The following TM2D1 variants were observed in gnomAD, a reference collection of about 807,000 sequenced individuals.
TM2D1 encodes the protein TM2 domain containing 1.
TM2D1 carries 15 observed loss-of-function variants against 28.4 expected under a neutral mutation model. The ratio of observed to expected loss-of-function variants is 0.53; its 90% CI spans 0.35 to 0.81. TM2D1 has a LOEUF of 0.81. TM2D1 is among the 40% of genes least tolerant of loss of function. The probability of loss-of-function intolerance (pLI) is 0.01; values close to 1 mark genes in which losing one functional copy is unlikely to be tolerated. For missense variants in TM2D1, 236 were observed against 254.9 expected (o/e 0.93, Z 0.50); for synonymous variants, 93 against 96.2 (o/e 0.97, Z 0.20).
At chr1:61,724,874 C>T (rs575944323) in intron 1 of TM2D1, 83 bp downstream of exon 1, 8 of 1,411,798 alleles carry the variant, frequency 5.7e-6, no homozygotes, top group South Asian at 2.8e-5. Context: ...CAGTACAGCC[C>T]TAGCCAGTCC....
intron 5 of TM2D1, among the ~76,000 whole-genome samples, chr1:61,691,932 A>AAAATATATATATATATAT: frequency 3.7e-4 from 28 of 76,388 alleles, no homozygotes; most frequent in Non-Finnish European, 5.2e-4. Flanking sequence ...AAAAAAAAAA[A>AAAATATATATATATATAT]ATATATATAT....
At chr1:61,699,677 C>T (rs919612269) in intron 4 of TM2D1, 12 of 152,424 alleles carry the variant, frequency 7.9e-5, no homozygotes, top group African/African-American at 2.9e-4. Context: ...TGCATCAGTC[C>T]CTTTTCTGTA....
At chr1:61,690,456 C>CAAAAAAAAAAAA (rs762550068) in intron 5 of TM2D1, among the ~76,000 whole-genome samples, 12 of 60,024 alleles carry the variant, frequency 2.0e-4, no homozygotes, top group East Asian at 6.4e-4. Context: ...GACTCAGTCT[C>CAAAAAAAAAAAA]AAAAAAAAAA....
At chr1:61,698,994 A>G (rs533999092) in intron 4 of TM2D1, 8 of 152,176 alleles carry the variant, frequency 5.3e-5, no homozygotes, top group Admixed American at 5.2e-4. Flanking sequence ...AAAAATGCCT[A>G]AATTCCTTAA....
intron 4 of TM2D1, 105 bp downstream of exon 4, chr1:61,700,829 A>T: frequency 1.2e-6 from 1 of 807,726 alleles, no homozygotes; most frequent in Non-Finnish European, 1.9e-6. Context: ...AACTCCAATT[A>T]TATAGAACTT....
At chr1:61,714,257 C>A (rs931789984) in intron 2 of TM2D1, among the ~76,000 whole-genome samples, 4 of 150,748 alleles carry the variant, frequency 2.7e-5, no homozygotes, top group Non-Finnish European at 5.9e-5. Context: ...AACTAAAGAG[C>A]CCTGGATGGG....
chr1:61,704,264 T>C (rs1318276604), intron 3 of TM2D1, among the ~76,000 whole-genome samples: 1 of 151,978 alleles, frequency 6.6e-6, no homozygotes, highest in Non-Finnish European at 1.5e-5. Flanking sequence ...CACATATATA[T>C]ATACAAAGAT....
chr1:61,715,076 A>G (rs371864293), intron 2 of TM2D1, among the ~76,000 whole-genome samples: 1 of 152,342 alleles, frequency 6.6e-6, no homozygotes, highest in African/African-American at 2.4e-5. Flanking sequence ...GAATTTTGAC[A>G]TACATTTGAG....
chr1:61,703,284 T>C (rs903819526), intron 3 of TM2D1, among the ~76,000 whole-genome samples: 6 of 141,300 alleles, frequency 4.2e-5, no homozygotes, highest in African/African-American at 1.7e-4. Flanking sequence ...ATATTATATA[T>C]GAAGATGGTA....
At chr1:61,692,547 AAAAG>A (rs765046071) in intron 5 of TM2D1, among the ~76,000 whole-genome samples, 96 of 152,196 alleles carry the variant, frequency 6.3e-4, no homozygotes, top group Middle Eastern at 3.4e-3. Context: ...GAAAAGAAAA[AAAAG>A]AAAGAGAGAA....
intron 2 of TM2D1, among the ~76,000 whole-genome samples, chr1:61,719,048 T>G (rs999844423): frequency 1.3e-5 from 2 of 152,184 alleles, no homozygotes; most frequent in Admixed American, 1.3e-4. Context: ...ATATTTCTAT[T>G]TTCATTTTTT....
At position 61,706,951 on chromosome 1, in the gene TM2D1, A is replaced by G. The variant is rs78059361; in HGVS notation, c.347+2378T>C. Among the ~76,000 whole-genome samples the G allele has an allele frequency of 4.8e-3, 719 of 151,332 alleles. 3 individuals carry two copies. The highest frequency in any genetic ancestry group is 0.016 in the African/African-American group (677 of 41,248). ...CCTGATGGTTATATTTCTTATCATA[A>G]TTGATATCAATATCTTATAAGGGCC... On this transcript the variant is annotated intron_variant, in intron 3 of 6. Coordinates refer to ENST00000606498, the MANE Select transcript of TM2D1 (RefSeq NM_032027.3).
intron 5 of TM2D1, among the ~76,000 whole-genome samples, chr1:61,690,456 C>CAAAAAAA (rs762550068): frequency 5.3e-4 from 32 of 60,014 alleles, no homozygotes; most frequent in East Asian, 6.4e-4. Context: ...GACTCAGTCT[C>CAAAAAAA]AAAAAAAAAA....
intron 3 of TM2D1, among the ~76,000 whole-genome samples, chr1:61,705,150 A>T (rs7546692): frequency 6.6e-6 from 1 of 152,164 alleles, no homozygotes; most frequent in South Asian, 2.1e-4. Flanking sequence ...AAATCACCCT[A>T]AAGAATAATC....
chr1:61,692,553 AAGAG>A (rs1033423002), intron 5 of TM2D1, among the ~76,000 whole-genome samples: 1 of 152,034 alleles, frequency 6.6e-6, no homozygotes, highest in Admixed American at 6.6e-5. Flanking sequence ...AAAAAAAAGA[AAGAG>A]AGAAAGTCAT....
At chr1:61,722,327 A>G (rs1644573919) in intron 2 of TM2D1, among the ~76,000 whole-genome samples, 1 of 152,116 alleles carries the variant, frequency 6.6e-6, no homozygotes. Flanking sequence ...GATATTGCTT[A>G]GTATGTATAC....
chr1:61,711,867 T>C (rs1015004036), intron 2 of TM2D1, among the ~76,000 whole-genome samples: 1 of 152,092 alleles, frequency 6.6e-6, no homozygotes, highest in Non-Finnish European at 1.5e-5. Context: ...ATAAATTCTA[T>C]GTCACTGAAA....
At chr1:61,713,396 T>A (rs1342512513) in intron 2 of TM2D1, among the ~76,000 whole-genome samples, 4 of 150,134 alleles carry the variant, frequency 2.7e-5, no homozygotes, top group African/African-American at 9.8e-5. Flanking sequence ...GAGAATTGCT[T>A]GAGCCTGGGA....
intron 2 of TM2D1, among the ~76,000 whole-genome samples, chr1:61,719,642 G>A (rs575589866): frequency 2.6e-5 from 4 of 152,016 alleles, no homozygotes; most frequent in African/African-American, 4.8e-5. Context: ...ACAGGCATGC[G>A]TCAGCACGCC....
Sources: gnomAD v4.1 joint callset for allele counts (sites outside exome capture counted in the v4.1 genomes callset) on GRCh38, gnomAD v4.1.1 for gene constraint, MANE v1.5 for transcripts, NCBI Gene and HGNC (gene_info 2026-07-23, HGNC 2026-07-21) for gene names.